Variants in LRIG1 observed in about 807,000 individuals in gnomAD.
LRIG1 encodes leucine-rich repeats and immunoglobulin-like domains protein 1.
A neutral mutation model predicts 99.2 loss-of-function variants in LRIG1; 48 were observed. The observed-to-expected ratio is 0.48, with a 90% CI of 0.38 to 0.62. LRIG1 has a LOEUF of 0.62. LRIG1 is among the 20% of genes least tolerant of loss of function. The probability of loss-of-function intolerance (pLI) is 0.00; values close to 1 mark genes in which losing one functional copy is unlikely to be tolerated. For synonymous variants in LRIG1, 772 were observed against 596.1 expected, an observed-to-expected ratio of 1.29 and a Z score of -4.30; for missense variants, 1,646 against 1,434.4, an observed-to-expected ratio of 1.15 and a Z score of -2.38.
intron 1 of LRIG1, among the ~76,000 whole-genome samples, chr3:66,478,450 A>G (rs1385742689): frequency 6.6e-6 from 1 of 152,210 alleles, no homozygotes; most frequent in African/African-American, 2.4e-5. Context: ...TGGTTTGGAA[A>G]TAAGCACACA....
chr3:66,382,324 C>G lies in LRIG1; in HGVS notation c.2566G>C (p.Val856Leu), dbSNP rs147267806. The G allele has an allele frequency of 6.2e-7, 1 of 1,614,190 alleles. No homozygotes were observed. The highest frequency in any genetic ancestry group is 8.5e-7 in the Non-Finnish European group (1 of 1,180,012). The part of the protein sequence containing the change: ...QGTLSDRQET[V>L]VRTEGGPQAN... Reference sequence around the variant, plus strand: ...TGAGGGCCACCCTCGGTCCTGACCACGGTTTCTTGTCGGTCAGAAAGGGTC... The same window carrying G: ...TGAGGGCCACCCTCGGTCCTGACCAGGGTTTCTTGTCGGTCAGAAAGGGTC... The change falls in exon 16 of 19, where the codon GTG becomes CTG. Residue 856 changes from valine to leucine, a missense_variant. By Grantham distance (32) the Val-to-Leu change is conservative. Transcript: ENST00000273261.
chr3:66,409,890 C>G, intron 7 of LRIG1: 1 of 439,704 alleles, frequency 2.3e-6, no homozygotes, highest in African/African-American at 2.0e-5. Context: ...GACCTAGCTG[C>G]TACTCCTGGA....
At chr3:66,405,322 G>T in intron 8 of LRIG1, 44 bp from the exon 9 acceptor site, 1 of 1,500,224 alleles carries the variant, frequency 6.7e-7, no homozygotes, top group Non-Finnish European at 9.3e-7. Flanking sequence ...GTCGGGGCGT[G>T]AAGGGAAAGC....
At position 66,480,881 on chromosome 3, in the gene LRIG1, G is replaced by A. The variant is rs138023678; in HGVS notation, c.219-18372C>T. Among the ~76,000 whole-genome samples the A allele has an allele frequency of 4.9e-4, 75 of 152,314 alleles. No individual in the cohort carries two copies. The East Asian group carries it at 0.011, about 23-fold the overall frequency. On this transcript the variant is annotated intron_variant, in intron 1 of 18. Coordinates refer to ENST00000273261, the MANE Select transcript of LRIG1 (RefSeq NM_015541.3). ...GGAGGAAATGTCACCACAATGGGGA[G>A]AAAATAAATCAGTTAGATTAAGATT... is the stretch of plus-strand genomic sequence containing the variant.
chr3:66,383,394 T>C lies in LRIG1; in HGVS notation c.2079A>G (p.Pro693=), dbSNP rs752018808. ...ANATLTVLET[P]SLVVPLEDRV... ...GGTCTTCCAAGGGGACCACCAAGGATGGGGTCTCTACAAGAGAGCAACAGA... is the reference window on the plus strand; with the variant it reads ...GGTCTTCCAAGGGGACCACCAAGGACGGGGTCTCTACAAGAGAGCAACAGA... Residue 693 remains proline (P), a synonymous_variant, in exon 15 of 19, where the codon CCA becomes CCG. Coordinates refer to ENST00000273261, the MANE Select transcript of LRIG1 (RefSeq NM_015541.3). The C allele has an allele frequency of 6.4e-7, 1 of 1,557,182 alleles. No homozygotes were observed. Among genetic ancestry groups the C allele is most frequent in the Admixed American group, 1.8e-5 (1 of 56,588 alleles).
chr3:66,386,867 T>C (rs1701400729), intron 12 of LRIG1: 2 of 152,396 alleles, frequency 1.3e-5, no homozygotes, highest in African/African-American at 2.4e-5. Context: ...ATCTCAGAAA[T>C]GTGAGCTTTG....
chr3:66,447,908 C>T lies in LRIG1; in HGVS notation c.365+3651G>A, dbSNP rs1429467475. 5.9e-5 allele frequency among the ~76,000 whole-genome samples: 9 copies of T among 152,290 alleles called. 1 individual carries two copies. The East Asian group carries it at 1.5e-3, about 26-fold the overall frequency. On this transcript the variant is annotated intron_variant, in intron 3 of 18. Transcript: ENST00000273261. ...ATTTTAAATTAAAAAAGAAAGAAATCTCAAACGTGAAAATCCACTGGCAGC... is the reference window on the plus strand; with the variant it reads ...ATTTTAAATTAAAAAAGAAAGAAATTTCAAACGTGAAAATCCACTGGCAGC...
chr3:66,428,245 C>A (rs192401689), intron 3 of LRIG1, among the ~76,000 whole-genome samples: 1 of 152,242 alleles, frequency 6.6e-6, no homozygotes, highest in East Asian at 1.9e-4. Context: ...TAAATCAAGT[C>A]CCCCAGGGTT....
At position 66,381,543 on chromosome 3, in the gene LRIG1, C is replaced by T. The variant is rs1025695318; in HGVS notation, c.2706G>A (p.Ala902=). 1.8e-5 allele frequency: 29 copies of T among 1,614,002 alleles called. No individual in the cohort carries two copies. Among genetic ancestry groups the T allele is most frequent in the East Asian group, 2.2e-5 (1 of 44,888 alleles). The change falls in exon 17 of 19, where the codon GCG becomes GCA. Residue 902 remains alanine, a synonymous_variant. Coordinates refer to ENST00000273261, the MANE Select transcript of LRIG1 (RefSeq NM_015541.3). ...CRQPKLCAGS[A]YHKEPWKAME... ...TCGCTTTCCACGGCTCTTTGTGATA[C>T]GCAGACCCAGCACAGAGCTTTGGCT...
Position 66,473,788 on chromosome 3 carries a change from C to T in LRIG1, c.219-11279G>A, listed in dbSNP as rs150110225. 5.4e-3 allele frequency among the ~76,000 whole-genome samples: 826 copies of T among 152,346 alleles called. 4 individuals are homozygous for T. The highest frequency in any genetic ancestry group is 8.2e-3 in the Non-Finnish European group (558 of 68,034). On this transcript the variant is annotated intron_variant, in intron 1 of 18. Coordinates refer to ENST00000273261, the MANE Select transcript of LRIG1 (RefSeq NM_015541.3). ...AAACACACAGTTTTAAAAGGTCAGC[C>T]GTCTGGCCCACAGTGAAGTCACTGA...
At chr3:66,485,736 G>A (rs1207117834) in intron 1 of LRIG1, among the ~76,000 whole-genome samples, 1 of 152,122 alleles carries the variant, frequency 6.6e-6, no homozygotes, top group African/African-American at 2.4e-5. Flanking sequence ...AACAACAGAT[G>A]GCAAAACATA....
At chr3:66,386,982 A>G (rs1411581907) in intron 12 of LRIG1, 2 of 151,052 alleles carry the variant, frequency 1.3e-5, no homozygotes, top group East Asian at 3.9e-4. Context: ...TGGGCTCCCC[A>G]AAAGCCCCAT....
At chr3:66,488,135 G>C (rs1701015980) in intron 1 of LRIG1, among the ~76,000 whole-genome samples, 1 of 152,098 alleles carries the variant, frequency 6.6e-6, no homozygotes, top group South Asian at 2.1e-4. Flanking sequence ...CCACGTCGAA[G>C]AAAAGTGGAC....
chr3:66,494,205 G>A (rs898729609), intron 1 of LRIG1, among the ~76,000 whole-genome samples: 4 of 152,308 alleles, frequency 2.6e-5, no homozygotes, highest in Non-Finnish European at 4.4e-5. Flanking sequence ...GCTTCTATAA[G>A]ATAGAGCATT....
chr3:66,391,885 A>C (rs1452975177), intron 12 of LRIG1, among the ~76,000 whole-genome samples: 1 of 152,262 alleles, frequency 6.6e-6, no homozygotes, highest in Non-Finnish European at 1.5e-5. Flanking sequence ...ATGGGCAACC[A>C]TCACTACAGT....
chr3:66,380,236 T>TATGACAAGA lies in LRIG1; in HGVS notation c.*18_*26dup. ...TACCTCTCTTTCCCGTAGAGATTGG[T>TATGACAAGA]ATGACAAGAACTGAGGTAGACAAAA... On this transcript the variant is annotated 3_prime_UTR_variant, in exon 19 of 19. Coordinates refer to ENST00000273261, the MANE Select transcript of LRIG1 (RefSeq NM_015541.3). 1 of 1,577,040 alleles carries TATGACAAGA rather than the reference T, an allele frequency of 6.3e-7. No homozygotes were observed. The highest frequency in any genetic ancestry group is 1.4e-5 in the African/African-American group (1 of 74,016).
rs370093027 is a variant in LRIG1, at chr3:66,440,224, C to G, written c.365+11335G>C. ...CAACGCCTGGGCCCAACACTCACCCCCTCTGCTCCCCAGCCCACTAACTCG... is the reference window on the plus strand; with the variant it reads ...CAACGCCTGGGCCCAACACTCACCCGCTCTGCTCCCCAGCCCACTAACTCG... On this transcript the variant is annotated intron_variant, in intron 3 of 18. Transcript: ENST00000273261. Among the ~76,000 whole-genome samples, 21 of 152,238 alleles carry G rather than the reference C, an allele frequency of 1.4e-4. 1 individual carries two copies. The highest frequency in any genetic ancestry group is 4.3e-4 in the African/African-American group (18 of 41,546).
At chr3:66,468,647 T>G (rs927586232) in intron 1 of LRIG1, among the ~76,000 whole-genome samples, 15 of 152,208 alleles carry the variant, frequency 9.9e-5, no homozygotes, top group Non-Finnish European at 1.6e-4. Flanking sequence ...CTGGGAGCCG[T>G]GGGCTCTGGC....
At position 66,379,160 on chromosome 3, in the gene LRIG1, A is replaced by C. The variant is rs1431139080; in HGVS notation, c.*1103T>G. ...AAGTTTTACTAAATGACACATTGGC[A>C]CTCATAAGATGGTTAGCTACCAGTC... On this transcript the variant is annotated 3_prime_UTR_variant, in exon 19 of 19. Transcript: ENST00000273261. The C allele has an allele frequency of 7.2e-5, 11 of 152,638 alleles. No individual in the cohort carries two copies. Among genetic ancestry groups the C allele is most frequent in the Admixed American group, 7.2e-4 (11 of 15,282 alleles). 9.5% of individuals were successfully genotyped at this position (152,638 alleles called of 1,614,324 possible).
Sources: allele counts gnomAD v4.1 joint callset (sites outside exome capture counted in the v4.1 genomes callset), GRCh38; gene constraint gnomAD v4.1.1; transcripts MANE v1.5; gene names NCBI Gene and HGNC (gene_info 2026-07-23, HGNC 2026-07-21).